TTC38: variants seen among roughly 807,000 people sequenced by gnomAD.
TTC38 encodes tetratricopeptide repeat domain 38.
In TTC38, 64 loss-of-function variants were observed where a neutral mutation model predicts 64.2. That is an observed-to-expected ratio of 1.00 (90% CI 0.81 to 1.23). The LOEUF is 1.23. TTC38 is among the 50% of genes most tolerant of loss of function. TTC38 has a pLI of 0.00. For missense variants in TTC38, 573 were observed against 615.5 expected (o/e 0.93, Z 0.73); for synonymous variants, 254 against 249.3 (o/e 1.02, Z -0.18).
intron 2 of TTC38, chr22:46,269,184 G>GT (rs1191308046): frequency 1.3e-5 from 5 of 386,902 alleles, no homozygotes; most frequent in Non-Finnish European, 2.6e-5. Flanking sequence ...CAGTGGGGAT[G>GT]TTTTTTGAGG....
In TTC38 at chr22:46,292,293, C is replaced by A; in HGVS notation, c.1317-498C>A. The A allele has an allele frequency of 2.4e-6, 1 of 413,730 alleles. No homozygotes were observed. Among genetic ancestry groups the A allele is most frequent in the South Asian group, 1.8e-5 (1 of 55,042 alleles). The allele number at this position is 413,730 out of a possible 1,614,324, so 25.6% of individuals were successfully genotyped here. Reference sequence around the variant, plus strand: ...CAAACTCCTGGGCTCAAGGAATCTTCCTGCCTCATCCTTCCATCGTGCAGG... The same window carrying A: ...CAAACTCCTGGGCTCAAGGAATCTTACTGCCTCATCCTTCCATCGTGCAGG... On this transcript the variant is annotated intron_variant, in intron 13 of 13. Transcript: ENST00000381031. This position sits in a 1 kb window ranked among gnomAD's most constrained non-coding sequence, Gnocchi z 6.5.
At chr22:46,279,254 C>T (rs956073827) in intron 6 of TTC38, among the ~76,000 whole-genome samples, 3 of 152,170 alleles carry the variant, frequency 2.0e-5, no homozygotes, top group African/African-American at 7.2e-5. Flanking sequence ...GGTCCCTCTC[C>T]TCTACTCCTC....
Position 46,291,032 on chromosome 22 carries a change from G to T in TTC38, c.1316+1133G>T, listed in dbSNP as rs1170757703. On this transcript the variant is annotated intron_variant, in intron 13 of 13. Transcript: ENST00000381031. The surrounding 1 kb of genome is among the most constrained non-coding windows in gnomAD (Gnocchi z 4.6). ...GACAAGCCCAGTGGTTTAGGCGCAGGTGCACCAGCGCAGCTCCCTCCAGGC... is the reference window on the plus strand; with the variant it reads ...GACAAGCCCAGTGGTTTAGGCGCAGTTGCACCAGCGCAGCTCCCTCCAGGC... Among the ~76,000 whole-genome samples, 1 of 152,208 alleles carries T rather than the reference G, an allele frequency of 6.6e-6. No individual in the cohort carries two copies. The highest frequency in any genetic ancestry group is 1.5e-5 in the Non-Finnish European group (1 of 68,032).
At position 46,275,323 on chromosome 22, in the gene TTC38, T is replaced by C. The variant is rs1338111690; in HGVS notation, c.441T>C (p.Phe147=). The C allele has an allele frequency of 6.2e-7, 1 of 1,614,142 alleles. No homozygotes were observed. Among genetic ancestry groups the C allele is most frequent in the Non-Finnish European group, 8.5e-7 (1 of 1,180,014 alleles). The change falls in exon 5 of 14, where the codon TTT becomes TTC. Residue 147 remains phenylalanine, a synonymous_variant. Coordinates refer to ENST00000381031, the MANE Select transcript of TTC38 (RefSeq NM_017931.4). The surrounding 1 kb of genome is among the most constrained non-coding windows in gnomAD (Gnocchi z 4.5). The part of the protein sequence containing the change: ...DHPTDMLALK[F]SHDAYFYLGY... ...CGACAGACATGTTGGCCCTGAAATT[T>C]TCCCATGATGCTTATTTTTACCTGG...
intron 9 of TTC38, 124 bp from the exon 10 acceptor site, chr22:46,286,949 G>A (rs1473485555): frequency 3.0e-6 from 2 of 672,852 alleles, no homozygotes; most frequent in East Asian, 2.8e-5. Context: ...AGGTGATGGG[G>A]ACAGTGGCAG....
rs1470406305 is a variant in TTC38, at chr22:46,282,115, G to A, written c.735+397G>A. On this transcript the variant is annotated intron_variant, in intron 7 of 13. Transcript: ENST00000381031. This position sits in a 1 kb window ranked among gnomAD's most constrained non-coding sequence, Gnocchi z 4.4. The stretch of plus-strand genomic sequence containing the variant: ...AGTGGCTAGGGAAGGCATCCTGGAG[G>A]GGGCAACCTCTGAGTTGGCTACTGA... 5.0e-6 allele frequency: 2 copies of A among 396,048 alleles called. No homozygotes were observed. Among genetic ancestry groups the A allele is most frequent in the Non-Finnish European group, 1.1e-5 (2 of 189,060 alleles). The allele number at this position is 396,048 out of a possible 1,614,324, so 24.5% of individuals were successfully genotyped here. A position where few individuals can be genotyped will look rare whatever the true frequency, so the allele number is the denominator to read the frequency against.
In TTC38 at chr22:46,279,339, G is replaced by A. The variant is rs545847593; in HGVS notation, c.615+678G>A. On this transcript the variant is annotated intron_variant, in intron 6 of 13. Transcript: ENST00000381031. ...GGGAGTGACAGCTGCTCCTGTGCCC[G>A]GCTCTGTGTGGCACTTCATGTGTGT... Among the ~76,000 whole-genome samples, 163 of 152,282 alleles carry A rather than the reference G, an allele frequency of 1.1e-3. 1 individual carries two copies. The highest frequency in any genetic ancestry group is 3.8e-3 in the African/African-American group (156 of 41,554).
In TTC38 at chr22:46,292,646, C is replaced by A; in HGVS notation, c.1317-145C>A. On this transcript the variant is annotated intron_variant, in intron 13 of 13. Coordinates refer to ENST00000381031, the MANE Select transcript of TTC38 (RefSeq NM_017931.4). This position sits in a 1 kb window ranked among gnomAD's most constrained non-coding sequence, Gnocchi z 6.5. ...CACCTCTCCCCAAACTGAGGCCAGG[C>A]CTCCTGCCCCTGGGCCTTGGCCCTT... is the stretch of plus-strand genomic sequence containing the variant. 2.8e-6 allele frequency: 2 copies of A among 705,572 alleles called. No individual in the cohort carries two copies. The highest frequency in any genetic ancestry group is 4.9e-6 in the Non-Finnish European group (2 of 408,212). 43.7% of individuals were successfully genotyped at this position (705,572 alleles called of 1,614,324 possible). A position where few individuals can be genotyped will look rare whatever the true frequency, so the allele number is the denominator to read the frequency against.
intron 9 of TTC38, among the ~76,000 whole-genome samples, chr22:46,286,347 G>C (rs868785686): frequency 1.3e-5 from 2 of 152,014 alleles, no homozygotes; most frequent in African/African-American, 2.4e-5. Context: ...CTTTCTACAC[G>C]GTCAGGAAGC....
At chr22:46,284,855 T>G (rs2077559761) in intron 8 of TTC38, among the ~76,000 whole-genome samples, 1 of 107,828 alleles carries the variant, frequency 9.3e-6, no homozygotes, top group African/African-American at 3.8e-5. Context: ...GGTGACAGAG[T>G]GAGACCCCAT....
Position 46,281,831 on chromosome 22 carries a change from C to A in TTC38, c.735+113C>A. 1 of 1,416,882 alleles carries A rather than the reference C, an allele frequency of 7.1e-7. No homozygotes were observed. The highest frequency in any genetic ancestry group is 1.8e-5 in the Admixed American group (1 of 55,132). The allele number at this position is 1,416,882 out of a possible 1,614,324, so 87.8% of individuals were successfully genotyped here. A position where few individuals can be genotyped will look rare whatever the true frequency, so the allele number is the denominator to read the frequency against. On this transcript the variant is annotated intron_variant, in intron 7 of 13. Coordinates refer to ENST00000381031, the MANE Select transcript of TTC38 (RefSeq NM_017931.4). This position sits in a 1 kb window ranked among gnomAD's most constrained non-coding sequence, Gnocchi z 5.2. ...GGCATGGCTTAATTCTCGGGGTTCC[C>A]TCTCCTCCTCCACCTGCACCTGCCT...
At chr22:46,289,322 C>G in intron 11 of TTC38, 80 bp from the exon 12 acceptor site, 1 of 1,532,092 alleles carries the variant, frequency 6.5e-7, no homozygotes, top group African/African-American at 1.4e-5. Context: ...AGGGACACCT[C>G]GCTGAGGAAG....
At position 46,282,468 on chromosome 22, in the gene TTC38, A is replaced by T. The variant is rs768246061; in HGVS notation, c.735+750A>T. ...GGTGAGCCTATTGGGCTCAAGGGAG[A>T]TGGGGCCTCCCCTGGGACAGGGACA... On this transcript the variant is annotated intron_variant, in intron 7 of 13. Transcript: ENST00000381031. The surrounding 1 kb of genome is among the most constrained non-coding windows in gnomAD (Gnocchi z 4.4). 6.6e-6 allele frequency among the ~76,000 whole-genome samples: 1 copy of T among 152,166 alleles called. No individual in the cohort carries two copies. The highest frequency in any genetic ancestry group is 1.5e-5 in the Non-Finnish European group (1 of 68,008).
intron 11 of TTC38, 111 bp from the exon 12 acceptor site, chr22:46,289,291 G>T: frequency 7.6e-7 from 1 of 1,320,538 alleles, no homozygotes; most frequent in Non-Finnish European, 1.0e-6. Flanking sequence ...CATCAGTGTG[G>T]CATGTGTCAG....
intron 5 of TTC38, among the ~76,000 whole-genome samples, chr22:46,277,042 T>TATACACAC (rs2077496310): frequency 7.0e-5 from 5 of 71,382 alleles, no homozygotes; most frequent in African/African-American, 2.6e-4. Flanking sequence ...TACATATATA[T>TATACACAC]ACATACACAC....
chr22:46,283,508 T>C (rs1314444582), intron 7 of TTC38, among the ~76,000 whole-genome samples: 2 of 152,198 alleles, frequency 1.3e-5, no homozygotes, highest in African/African-American at 4.8e-5. Flanking sequence ...AAGAAGATTA[T>C]GTGGCCTGGA....
In TTC38 at chr22:46,292,160, T is replaced by C; in HGVS notation, c.1317-631T>C. 2.3e-6 allele frequency: 1 copy of C among 428,870 alleles called. No homozygotes were observed. Among genetic ancestry groups the C allele is most frequent in the Non-Finnish European group, 4.6e-6 (1 of 218,254 alleles). 26.6% of individuals were successfully genotyped at this position (428,870 alleles called of 1,614,324 possible). On this transcript the variant is annotated intron_variant, in intron 13 of 13. Coordinates refer to ENST00000381031, the MANE Select transcript of TTC38 (RefSeq NM_017931.4). The surrounding 1 kb of genome is among the most constrained non-coding windows in gnomAD (Gnocchi z 6.5). ...TCCTTTGAGTGCTAATTCTTTCACG[T>C]CTCTTCTTTCTTCTTTCTTTTTAAA...
intron 5 of TTC38, among the ~76,000 whole-genome samples, chr22:46,277,375 C>T (rs531010762): frequency 2.6e-5 from 4 of 152,174 alleles, no homozygotes; most frequent in South Asian, 4.1e-4. Context: ...GAGGCCGAGG[C>T]GGGTGGATCA....
rs1415502363 is a variant in TTC38, at chr22:46,282,309, G to T, written c.735+591G>T. ...AAGGCGGACATGGGCTGTGCAGGAGGCCTTGTCAGTCCCTCTTTCCAGGGG... is the reference window on the plus strand; with the variant it reads ...AAGGCGGACATGGGCTGTGCAGGAGTCCTTGTCAGTCCCTCTTTCCAGGGG... On this transcript the variant is annotated intron_variant, in intron 7 of 13. Transcript: ENST00000381031. This position sits in a 1 kb window ranked among gnomAD's most constrained non-coding sequence, Gnocchi z 4.4. Among the ~76,000 whole-genome samples, 1 of 152,190 alleles carries T rather than the reference G, an allele frequency of 6.6e-6. No homozygotes were observed. Among genetic ancestry groups the T allele is most frequent in the African/African-American group, 2.4e-5 (1 of 41,434 alleles).
Sources: allele counts gnomAD v4.1 joint callset (sites outside exome capture counted in the v4.1 genomes callset), GRCh38; gene constraint gnomAD v4.1.1; non-coding constraint Gnocchi (gnomAD v3.1); transcripts MANE v1.5; gene names NCBI Gene and HGNC (gene_info 2026-07-23, HGNC 2026-07-21).